Variants in TNRC6B observed in about 807,000 individuals in gnomAD.
TNRC6B encodes trinucleotide repeat containing adaptor 6B, also known as trinucleotide repeat-containing gene 6B protein.
In TNRC6B, 52 loss-of-function variants were observed where a neutral mutation model predicts 203.6. The ratio of observed to expected loss-of-function variants is 0.26; its 90% CI spans 0.20 to 0.32. The LOEUF (loss-of-function observed/expected upper bound fraction) is 0.32, where lower values mean the gene tolerates loss of function less well. Among genes scored for constraint, TNRC6B ranks in the 10% least tolerant of loss-of-function variants. The pLI, the probability that TNRC6B is intolerant of heterozygous loss-of-function variation, is 1.00. For missense variants in TNRC6B, 1,923 were observed against 2,286.2 expected, an observed-to-expected ratio of 0.84 and a Z score of 3.24; for synonymous variants, 838 against 845.7, an observed-to-expected ratio of 0.99 and a Z score of 0.16.
At chr22:40,202,371 A>T (rs574558367) in intron 1 of TNRC6B, among the ~76,000 whole-genome samples, 1 of 151,796 alleles carries the variant, frequency 6.6e-6, no homozygotes, top group African/African-American at 2.4e-5. Flanking sequence ...AAAGAATCAA[A>T]TAACTTATTT....
intron 6 of TNRC6B, 87 bp from the exon 7 acceptor site, chr22:40,273,338 C>A (rs534799143): frequency 4.0e-6 from 5 of 1,265,442 alleles, no homozygotes; most frequent in Admixed American, 3.0e-5. Flanking sequence ...TACAAAGACA[C>A]GTAAATGCTG....
At chr22:40,100,727 T>C (rs111296309) in intron 1 of TNRC6B, among the ~76,000 whole-genome samples, 1,787 of 152,288 alleles carry the variant, frequency 0.012, 35 homozygotes, top group African/African-American at 0.041. Flanking sequence ...ACCATGGATT[T>C]TGGTATACAC....
intron 3 of TNRC6B, among the ~76,000 whole-genome samples, chr22:40,148,941 T>G (rs565763334): frequency 6.6e-6 from 1 of 152,310 alleles, no homozygotes; most frequent in East Asian, 1.9e-4. Flanking sequence ...ACCTTGATTT[T>G]GGACTTCTAG....
rs2071371308 is a variant in TNRC6B at position 40,323,859 on chromosome 22, G to C, written c.*618G>C. On this transcript the variant is annotated 3_prime_UTR_variant, in exon 23 of 23. Coordinates refer to ENST00000454349, the MANE Select transcript of TNRC6B (RefSeq NM_001162501.2). ...CCAGTGTGTTCTGGCACATGTAACTGCCCAGGCATGCTCGTTCTGGTGTGT... is the reference window on the plus strand; with the variant it reads ...CCAGTGTGTTCTGGCACATGTAACTCCCCAGGCATGCTCGTTCTGGTGTGT... 1 of 152,404 alleles carries C rather than the reference G, an allele frequency of 6.6e-6. No homozygotes were observed. Among genetic ancestry groups the C allele is most frequent in the Non-Finnish European group, 1.5e-5 (1 of 68,284 alleles). The allele number at this position is 152,404 out of a possible 1,614,324, so 9.4% of individuals were successfully genotyped here.
chr22:40,050,861 G>T (rs1354443251), intron 1 of TNRC6B, among the ~76,000 whole-genome samples: 1 of 149,278 alleles, frequency 6.7e-6, no homozygotes, highest in Non-Finnish European at 1.5e-5. Context: ...GTCTCGCTCT[G>T]TTGCCCAGGC....
At chr22:40,141,450 G>C (rs2068644149) in intron 3 of TNRC6B, among the ~76,000 whole-genome samples, 1 of 151,770 alleles carries the variant, frequency 6.6e-6, no homozygotes, top group Admixed American at 6.6e-5. Context: ...CCCCCACTTT[G>C]GCCTCCCAAA....
rs370057813 is a variant in TNRC6B at position 40,315,928 on chromosome 22, C to G, written c.4904-14C>G. 1 of 1,607,214 alleles carries G rather than the reference C, an allele frequency of 6.2e-7. No individual in the cohort carries two copies. Among genetic ancestry groups the G allele is most frequent in the South Asian group, 1.1e-5 (1 of 89,948 alleles). ...TTTATTTCTCTTCCTAACCATTTTT[C>G]TGGTTGCTCATAGCCTCTACCTGGA... On this transcript the variant is annotated splice_polypyrimidine_tract_variant and intron_variant, in intron 20 of 22. Coordinates refer to ENST00000454349, the MANE Select transcript of TNRC6B (RefSeq NM_001162501.2).
intron 4 of TNRC6B, among the ~76,000 whole-genome samples, chr22:40,169,770 G>A (rs1198718496): frequency 2.6e-5 from 4 of 152,094 alleles, no homozygotes; most frequent in Admixed American, 2.0e-4. Flanking sequence ...GCATACTCAC[G>A]TTAGGAGGTT....
At chr22:40,141,035 A>G (rs1483582847) in intron 3 of TNRC6B, among the ~76,000 whole-genome samples, 2 of 152,182 alleles carry the variant, frequency 1.3e-5, no homozygotes, top group Non-Finnish European at 2.9e-5. Flanking sequence ...AGCAAAGTAC[A>G]GAGAATAAAA....
intron 12 of TNRC6B, among the ~76,000 whole-genome samples, chr22:40,287,818 G>C (rs1368776783): frequency 3.3e-5 from 5 of 152,182 alleles, no homozygotes; most frequent in Non-Finnish European, 7.3e-5. Flanking sequence ...GGTGGGTTGA[G>C]GTGAGGAGGA....
At chr22:40,071,114 C>T (rs1370126798) in intron 1 of TNRC6B, among the ~76,000 whole-genome samples, 1 of 152,126 alleles carries the variant, frequency 6.6e-6, no homozygotes, top group African/African-American at 2.4e-5. Flanking sequence ...GAAAATGGAA[C>T]CCACTTTCCT....
At chr22:40,195,356 G>A (rs2069323524) in intron 1 of TNRC6B, among the ~76,000 whole-genome samples, 1 of 152,190 alleles carries the variant, frequency 6.6e-6, no homozygotes, top group African/African-American at 2.4e-5. Context: ...CCTGATCCCA[G>A]TGTTTTCTTT....
chr22:40,098,779 GT>G lies in TNRC6B; in HGVS notation c.-120-18275del, dbSNP rs567292023. 2.3e-3 allele frequency among the ~76,000 whole-genome samples: 354 copies of G among 152,034 alleles called. 2 individuals are homozygous for G. The highest frequency in any genetic ancestry group is 6.8e-3 in the Middle Eastern group (2 of 294). On this transcript the variant is annotated intron_variant, in intron 1 of 23. Coordinates refer to the TNRC6B transcript ENST00000301923. ...GTCTCACTCTGTCACCCATACTGGA[GT>G]GCAGTGGTATGATCATAGCTCACTG...
At chr22:40,081,496 G>C (rs2068063929) in intron 1 of TNRC6B, among the ~76,000 whole-genome samples, 1 of 151,980 alleles carries the variant, frequency 6.6e-6, no homozygotes, top group Non-Finnish European at 1.5e-5. Context: ...TTTTCATAAT[G>C]CTCTATACCA....
chr22:40,315,233 A>C, intron 19 of TNRC6B, 50 bp from the exon 20 acceptor site: 16 of 1,505,562 alleles, frequency 1.1e-5, no homozygotes, highest in Non-Finnish European at 1.5e-5. Context: ...ATTTGTCAAC[A>C]AAAGTGAACC....
At chr22:40,119,853 T>G (rs918216156) in intron 2 of TNRC6B, among the ~76,000 whole-genome samples, 1 of 152,144 alleles carries the variant, frequency 6.6e-6, no homozygotes, top group Non-Finnish European at 1.5e-5. Flanking sequence ...AAAAGGAAAG[T>G]AAAGTTGCCC....
At chr22:40,230,279 CTTCTTTTTTTTTT>C (rs2069849876) in intron 1 of TNRC6B, among the ~76,000 whole-genome samples, 1 of 124,934 alleles carries the variant, frequency 8.0e-6, no homozygotes, top group South Asian at 2.6e-4. Context: ...TTTTGCCCAT[CTTCTTTTTTTTTT>C]TTTTTTTTTT....
chr22:40,259,033 A>T (rs997029384), intron 3 of TNRC6B, among the ~76,000 whole-genome samples: 1 of 152,196 alleles, frequency 6.6e-6, no homozygotes, highest in Non-Finnish European at 1.5e-5. Flanking sequence ...ACCAGTTGGG[A>T]TGAATTTCTC....
At chr22:40,197,118 T>G (rs2069347167) in intron 1 of TNRC6B, among the ~76,000 whole-genome samples, 1 of 152,062 alleles carries the variant, frequency 6.6e-6, no homozygotes, top group South Asian at 2.1e-4. Flanking sequence ...TATTATAAAG[T>G]GGAGTGTCTT....
Sources: allele counts gnomAD v4.1 joint callset (sites outside exome capture counted in the v4.1 genomes callset), GRCh38; gene constraint gnomAD v4.1.1; transcripts MANE v1.5; gene names NCBI Gene and HGNC (gene_info 2026-07-23, HGNC 2026-07-21).